NCKAP5: variants seen among roughly 807,000 people sequenced by gnomAD.
NCKAP5 encodes NCK associated protein 5.
NCKAP5 carries 92 observed loss-of-function variants against 167.0 expected under a neutral mutation model. That is an observed-to-expected ratio of 0.55 (90% CI 0.47 to 0.66). NCKAP5 has a LOEUF of 0.66. NCKAP5 is among the 30% of genes least tolerant of loss of function. The pLI is 0.00. For synonymous variants in NCKAP5, 891 were observed against 877.4 expected (o/e 1.02, Z -0.27); for missense variants, 2,378 against 2,315.0 (o/e 1.03, Z -0.56).
intron 8 of NCKAP5, among the ~76,000 whole-genome samples, chr2:132,918,245 T>TC (rs1695035629): frequency 6.6e-6 from 1 of 152,190 alleles, no homozygotes; most frequent in African/African-American, 2.4e-5. Context: ...TCCTGATGTC[T>TC]CAGCCACAAG....
At chr2:133,669,687 C>A in the NCKAP5 span, among the ~76,000 whole-genome samples, 1 of 152,094 alleles carries the variant, frequency 6.6e-6, no homozygotes. Context: ...AAAATTTTAA[C>A]CAAACATATG....
At chr2:133,155,932 T>C (rs1480117498) in intron 5 of NCKAP5, among the ~76,000 whole-genome samples, 4 of 152,242 alleles carry the variant, frequency 2.6e-5, no homozygotes, top group African/African-American at 9.6e-5. Flanking sequence ...CAGTTGTCTC[T>C]GTTTCTGTGG....
chr2:132,803,557 T>C (rs1574274721), intron 11 of NCKAP5, among the ~76,000 whole-genome samples: 1 of 152,192 alleles, frequency 6.6e-6, no homozygotes, highest in South Asian at 2.1e-4. Context: ...TTTGGTTTGG[T>C]GATTAGAAAG....
At chr2:133,650,380 G>T in the NCKAP5 span, among the ~76,000 whole-genome samples, 1 of 152,062 alleles carries the variant, frequency 6.6e-6, no homozygotes, top group Non-Finnish European at 1.5e-5. Flanking sequence ...TACTCATAGA[G>T]AATATCAAAA....
intron 4 of NCKAP5, among the ~76,000 whole-genome samples, chr2:133,270,422 T>G (rs551205209): frequency 6.6e-6 from 1 of 152,174 alleles, no homozygotes; most frequent in Non-Finnish European, 1.5e-5. Context: ...TGTATACCCA[T>G]TGAAATAACT....
chr2:133,540,334 G>A (rs1010427316), intron 2 of NCKAP5, among the ~76,000 whole-genome samples: 7 of 152,102 alleles, frequency 4.6e-5, no homozygotes, highest in Non-Finnish European at 1.0e-4. Flanking sequence ...AGACTGCCAG[G>A]ATATTTCTAG....
intron 5 of NCKAP5, among the ~76,000 whole-genome samples, chr2:133,142,324 C>G (rs183940689): frequency 6.6e-6 from 1 of 152,268 alleles, no homozygotes; most frequent in East Asian, 1.9e-4. Context: ...GGTCTAAATA[C>G]TACTCACAAA....
At chr2:132,694,040 G>C (rs1202088356) in intron 19 of NCKAP5, among the ~76,000 whole-genome samples, 1 of 152,048 alleles carries the variant, frequency 6.6e-6, no homozygotes, top group Non-Finnish European at 1.5e-5. Context: ...AAATTTCCAG[G>C]AGTTGCAAAA....
intron 3 of NCKAP5, among the ~76,000 whole-genome samples, chr2:133,354,579 A>G (rs1386301243): frequency 1.3e-5 from 2 of 152,240 alleles, no homozygotes; most frequent in African/African-American, 4.8e-5. Context: ...AAAGGAGGGA[A>G]TTAAATTGTC....
chr2:133,314,120 C>A (rs1681440267), intron 3 of NCKAP5, among the ~76,000 whole-genome samples: 1 of 152,166 alleles, frequency 6.6e-6, no homozygotes, highest in Non-Finnish European at 1.5e-5. Flanking sequence ...TTCTAATTTT[C>A]TCTCCCATTA....
At position 133,055,166 on chromosome 2, in the gene NCKAP5, G is replaced by A. The variant is rs576038002; in HGVS notation, c.342-60927C>T. The stretch of plus-strand genomic sequence containing the variant: ...CTTGAGTTGATACTAAAATTAGGGC[G>A]TATACTAGTATACTGATCCAAGAGT... On this transcript the variant is annotated intron_variant, in intron 6 of 19. Transcript: ENST00000409261. Among the ~76,000 whole-genome samples the A allele has an allele frequency of 3.3e-4, 50 of 152,098 alleles. 1 individual carries two copies. The highest frequency in any genetic ancestry group is 9.9e-4 in the African/African-American group (41 of 41,498).
chr2:132,782,715 T>C lies in NCKAP5; in HGVS notation c.4096A>G (p.Ser1366Gly), dbSNP rs757356901. The change falls in exon 14 of 20, where the codon AGT (serine) becomes GGT (glycine). Residue 1366 changes from serine (S) to glycine (G), a missense_variant. By Grantham distance (56) the Ser-to-Gly change is moderately conservative. Transcript: ENST00000409261. The part of the protein sequence containing the change: ...GSFSSQHGSP[S>G]KLPLRIPPKS... ...GGAGGGATCCTCAAAGGCAACTTAC[T>C]TGGGCTCCCATGCTGACTGCTGAAG... The C allele has an allele frequency of 6.2e-7, 1 of 1,613,958 alleles. No homozygotes were observed. Among genetic ancestry groups the C allele is most frequent in the South Asian group, 1.1e-5 (1 of 91,074 alleles).
intron 16 of NCKAP5, among the ~76,000 whole-genome samples, chr2:132,765,010 C>T (rs541609637): frequency 6.6e-6 from 1 of 152,244 alleles, no homozygotes; most frequent in African/African-American, 2.4e-5. Context: ...ACTAGAAGAC[C>T]TAATGTCCTA....
intron 4 of NCKAP5, among the ~76,000 whole-genome samples, chr2:133,259,451 T>C (rs1574522417): frequency 1.3e-5 from 2 of 152,180 alleles, no homozygotes; most frequent in South Asian, 4.1e-4. Flanking sequence ...GTTAAATAAA[T>C]GGTATGTTTT....
intron 5 of NCKAP5, among the ~76,000 whole-genome samples, chr2:133,205,842 C>CT (rs1442973319): frequency 1.3e-5 from 2 of 151,760 alleles, no homozygotes; most frequent in African/African-American, 4.8e-5. Flanking sequence ...TCCTATATGC[C>CT]TTTTTTACTA....
chr2:132,791,396 T>C (rs577783050), intron 12 of NCKAP5, among the ~76,000 whole-genome samples: 122 of 152,360 alleles, frequency 8.0e-4, no homozygotes, highest in Non-Finnish European at 1.4e-3. Flanking sequence ...GTTAGAATTC[T>C]AGTGGTTCTT....
Position 132,783,037 on chromosome 2 carries a change from G to T in NCKAP5, c.3774C>A (p.Ser1258Arg). The T allele has an allele frequency of 6.2e-7, 1 of 1,613,888 alleles. No individual in the cohort carries two copies. The highest frequency in any genetic ancestry group is 8.5e-7 in the Non-Finnish European group (1 of 1,179,862). Residue 1258 changes from serine to arginine, a missense_variant, in exon 14 of 20, where the codon AGC (serine) becomes AGA (arginine). Physicochemically the swap from Ser to Arg is moderately radical, Grantham distance 110 (BLOSUM62 -1). This residue lies in a region of NCKAP5 where 1,325 missense variants were observed against 1,274.5 expected (regional missense o/e 1.04). Coordinates refer to ENST00000409261, the MANE Select transcript of NCKAP5 (RefSeq NM_207363.3). ...NRSMRRSLSSSKPHLKPALGM... is the reference protein window; with the variant it reads ...NRSMRRSLSSRKPHLKPALGM... ...CCAGAGCTGGTTTTAGGTGTGGTTT[G>T]CTGGAGGAAAGGGATCTTCTCATGG...
Position 132,784,160 on chromosome 2 carries a change from C to A in NCKAP5, c.2651G>T (p.Trp884Leu). The A allele has an allele frequency of 6.5e-7, 1 of 1,533,746 alleles. No individual in the cohort carries two copies. Among genetic ancestry groups the A allele is most frequent in the Non-Finnish European group, 8.7e-7 (1 of 1,143,254 alleles). Residue 884 changes from tryptophan (W) to leucine (L), a missense_variant, in exon 14 of 20, where the codon TGG becomes TTG. Coordinates refer to ENST00000409261, the MANE Select transcript of NCKAP5 (RefSeq NM_207363.3). ...HSSRMPSRRD[W>L]VQCPKSQTPG... ...AGTCTGACTCTTGGGGCACTGGACC[C>A]AGTCCCTCCTGCTGGGCATCCTGGA... is the stretch of plus-strand genomic sequence containing the variant.
the NCKAP5 span, among the ~76,000 whole-genome samples, chr2:133,595,262 T>C: frequency 2.0e-5 from 3 of 152,234 alleles, no homozygotes; most frequent in East Asian, 5.8e-4. Flanking sequence ...TTAATGACTG[T>C]TTAGGTGGGG....
Sources: gnomAD v4.1 joint callset for allele counts (sites outside exome capture counted in the v4.1 genomes callset) on GRCh38, gnomAD v4.1.1 for gene constraint, gnomAD v4.1.1 regional missense constraint, MANE v1.5 for transcripts, NCBI Gene and HGNC (gene_info 2026-07-23, HGNC 2026-07-21) for gene names.